CORO2B: variants seen among roughly 807,000 people sequenced by gnomAD.
The protein encoded by CORO2B is coronin 2B.
CORO2B carries 26 observed loss-of-function variants against 58.8 expected under a neutral mutation model. The observed-to-expected ratio is 0.44, with a 90% CI of 0.32 to 0.61. The LOEUF (loss-of-function observed/expected upper bound fraction) is 0.61, where lower values mean the gene tolerates loss of function less well. Among genes scored for constraint, CORO2B ranks in the 20% least tolerant of loss-of-function variants. The probability of loss-of-function intolerance (pLI) is 0.04; values close to 1 mark genes in which losing one functional copy is unlikely to be tolerated. For synonymous variants in CORO2B, 242 were observed against 253.8 expected (o/e 0.95, Z 0.44); for missense variants, 460 against 645.1 (o/e 0.71, Z 3.11).
chr15:68,551,467 G>A, the CORO2B span, among the ~76,000 whole-genome samples: 1 of 152,318 alleles, frequency 6.6e-6, no homozygotes, highest in African/African-American at 2.4e-5. Flanking sequence ...TGTTCCCGGA[G>A]GCTGTCCCCA....
the CORO2B span, among the ~76,000 whole-genome samples, chr15:68,565,316 T>TA: frequency 0.48 from 72,992 of 150,662 alleles, 18,795 homozygotes; most frequent in East Asian, 0.79. Flanking sequence ...TCTTTTTATT[T>TA]AAAAAAATTT....
At chr15:68,647,027 T>G (rs1196201514) in intron 2 of CORO2B, among the ~76,000 whole-genome samples, 1 of 152,194 alleles carries the variant, frequency 6.6e-6, no homozygotes, top group African/African-American at 2.4e-5. Context: ...GCCGGCACCC[T>G]GCCATGCTCC....
the CORO2B span, among the ~76,000 whole-genome samples, chr15:68,567,486 C>T: frequency 6.6e-6 from 1 of 152,108 alleles, no homozygotes; most frequent in Non-Finnish European, 1.5e-5. Flanking sequence ...TATTTTTATG[C>T]AGGTCCATTG....
chr15:68,671,997 C>A (rs1365565467), intron 2 of CORO2B, among the ~76,000 whole-genome samples: 1 of 152,144 alleles, frequency 6.6e-6, no homozygotes, highest in Non-Finnish European at 1.5e-5. Flanking sequence ...AAAGTTCTGA[C>A]TGTGCCCAGC....
chr15:68,711,977 A>G (rs1307079132), intron 5 of CORO2B, among the ~76,000 whole-genome samples: 1 of 152,100 alleles, frequency 6.6e-6, no homozygotes, highest in Non-Finnish European at 1.5e-5. Context: ...TGGGGGCTGA[A>G]CTGGTGACAC....
chr15:68,570,689 A>C, the CORO2B span, among the ~76,000 whole-genome samples: 5 of 151,960 alleles, frequency 3.3e-5, no homozygotes, highest in Non-Finnish European at 7.4e-5. Context: ...ACTGAGGGGA[A>C]TAGTCAGTGT....
At chr15:68,546,010 C>T in the CORO2B span, among the ~76,000 whole-genome samples, 7 of 152,196 alleles carry the variant, frequency 4.6e-5, no homozygotes, top group African/African-American at 1.7e-4. Context: ...TGCCCTCCCC[C>T]TTTTGCCAAC....
the CORO2B span, among the ~76,000 whole-genome samples, chr15:68,543,417 G>C: frequency 6.6e-6 from 1 of 152,276 alleles, no homozygotes; most frequent in South Asian, 2.1e-4. Flanking sequence ...GCCTGGGCCA[G>C]GTCAACACAT....
intron 1 of CORO2B, among the ~76,000 whole-genome samples, chr15:68,616,073 T>C (rs962179874): frequency 6.6e-6 from 1 of 152,164 alleles, no homozygotes; most frequent in African/African-American, 2.4e-5. Context: ...TGAAGCCTTT[T>C]CTCTGTTCTG....
chr15:68,647,526 C>G lies in CORO2B; in HGVS notation c.216+2166C>G, dbSNP rs1186646710. 2.0e-5 allele frequency among the ~76,000 whole-genome samples: 3 copies of G among 151,574 alleles called. No homozygotes were observed. The East Asian group carries it at 5.9e-4, about 30-fold the overall frequency. ...CCAACATGGAGAAACTCCGTCTCTACTAAAAATACAAAATTAGCCAGGCGT... is the reference window on the plus strand; with the variant it reads ...CCAACATGGAGAAACTCCGTCTCTAGTAAAAATACAAAATTAGCCAGGCGT... On this transcript the variant is annotated intron_variant, in intron 2 of 11. Coordinates refer to ENST00000261861, the MANE Select transcript of CORO2B (RefSeq NM_006091.5).
chr15:68,557,723 C>G, the CORO2B span, among the ~76,000 whole-genome samples: 1 of 152,196 alleles, frequency 6.6e-6, no homozygotes. Context: ...AGTAAATGCC[C>G]AAGGTCACAG....
the CORO2B span, among the ~76,000 whole-genome samples, chr15:68,534,482 T>TTTC: frequency 3.3e-5 from 5 of 152,354 alleles, no homozygotes; most frequent in East Asian, 9.6e-4. Flanking sequence ...AATGAGTAAC[T>TTTC]ACTGGATAAT....
At chr15:68,715,976 C>T (rs12915581) in intron 8 of CORO2B, among the ~76,000 whole-genome samples, 25,030 of 152,254 alleles carry the variant, frequency 0.16, 2,568 homozygotes, top group Non-Finnish European at 0.22. Flanking sequence ...CCGTTCCCAC[C>T]TCTGCGGGTG....
intron 11 of CORO2B, 67 bp downstream of exon 11, chr15:68,719,619 G>C (rs1384426169): frequency 9.2e-6 from 14 of 1,525,116 alleles, no homozygotes; most frequent in Non-Finnish European, 1.1e-5. Flanking sequence ...TCAATTATGG[G>C]CTTCAGGCCT....
At chr15:68,591,837 T>G (rs1899714257) in intron 1 of CORO2B, among the ~76,000 whole-genome samples, 1 of 152,144 alleles carries the variant, frequency 6.6e-6, no homozygotes, top group African/African-American at 2.4e-5. Flanking sequence ...ACCAGAAGTT[T>G]CCTTCTAGGA....
chr15:68,537,452 C>T, the CORO2B span, among the ~76,000 whole-genome samples: 1 of 152,108 alleles, frequency 6.6e-6, no homozygotes, highest in African/African-American at 2.4e-5. Context: ...TCAGACTAGC[C>T]CACTGCTTGT....
chr15:68,639,980 C>T (rs144074008), intron 1 of CORO2B, among the ~76,000 whole-genome samples: 47 of 152,320 alleles, frequency 3.1e-4, no homozygotes, highest in African/African-American at 9.4e-4. Context: ...CCGCCCCCAC[C>T]GATTTCCCTT....
the CORO2B span, among the ~76,000 whole-genome samples, chr15:68,570,368 G>A: frequency 6.6e-6 from 1 of 152,170 alleles, no homozygotes; most frequent in Admixed American, 6.5e-5. Context: ...ATTGATCTGT[G>A]GTTTTCTTTT....
chr15:68,602,845 G>T (rs765611661), intron 1 of CORO2B, among the ~76,000 whole-genome samples: 1 of 152,234 alleles, frequency 6.6e-6, no homozygotes, highest in African/African-American at 2.4e-5. Flanking sequence ...AAGCAAGCCT[G>T]TTTCCTGGGA....
Sources: gnomAD v4.1 joint callset for allele counts (sites outside exome capture counted in the v4.1 genomes callset) on GRCh38, gnomAD v4.1.1 for gene constraint, MANE v1.5 for transcripts, NCBI Gene and HGNC (gene_info 2026-07-23, HGNC 2026-07-21) for gene names.